RNF182: variants seen among roughly 807,000 people sequenced by gnomAD.
RNF182 encodes the protein E3 ubiquitin-protein ligase RNF182.
Under a neutral mutation model 14.4 loss-of-function variants are expected in RNF182, and 15 were observed. The observed-to-expected ratio is 1.04, with a 90% CI of 0.70 to 1.60. RNF182 has a LOEUF of 1.60. Among genes scored for constraint, RNF182 ranks in the 40% most tolerant of loss-of-function variants. The pLI, the probability that RNF182 is intolerant of heterozygous loss-of-function variation, is 0.00. For synonymous variants in RNF182, 128 were observed against 122.9 expected (o/e 1.04, Z -0.27); for missense variants, 268 against 294.8 (o/e 0.91, Z 0.67).
At chr6:13,938,361 G>T (rs1759196170) in intron 1 of RNF182, among the ~76,000 whole-genome samples, 2 of 151,686 alleles carry the variant, frequency 1.3e-5, no homozygotes, top group Non-Finnish European at 2.9e-5. Flanking sequence ...TTTCTAGATA[G>T]AAGTCCTTTG....
chr6:13,975,058 A>G (rs1425982820), intron 2 of RNF182, among the ~76,000 whole-genome samples: 1 of 152,172 alleles, frequency 6.6e-6, no homozygotes, highest in African/African-American at 2.4e-5. Flanking sequence ...GTACTGTTGT[A>G]AGAGCCTTGT....
chr6:13,964,084 TA>T (rs879651812), intron 1 of RNF182, among the ~76,000 whole-genome samples: 388 of 138,042 alleles, frequency 2.8e-3, no homozygotes, highest in Middle Eastern at 7.3e-3. Context: ...TTTTAAAATG[TA>T]AAAAAAAAAA....
chr6:13,955,338 T>C (rs1759699750), intron 1 of RNF182, among the ~76,000 whole-genome samples: 1 of 152,228 alleles, frequency 6.6e-6, no homozygotes, highest in South Asian at 2.1e-4. Context: ...GAAATCCTTC[T>C]ATAAAAAGAA....
At chr6:13,926,838 C>T (rs909096325) in intron 1 of RNF182, among the ~76,000 whole-genome samples, 2 of 148,198 alleles carry the variant, frequency 1.3e-5, no homozygotes, top group African/African-American at 5.0e-5. Flanking sequence ...TTATTCAGAT[C>T]TTTGTTAGCA....
intron 1 of RNF182, among the ~76,000 whole-genome samples, chr6:13,930,171 A>G (rs1232354782): frequency 1.3e-5 from 2 of 152,196 alleles, no homozygotes; most frequent in Non-Finnish European, 2.9e-5. Flanking sequence ...CAGTCTAAGA[A>G]CTATTTACAT....
chr6:13,960,698 CGT>C (rs1759857453), intron 1 of RNF182, among the ~76,000 whole-genome samples: 1 of 53,072 alleles, frequency 1.9e-5, no homozygotes, highest in African/African-American at 4.4e-5. Flanking sequence ...TGTGTGCGCG[CGT>C]GCACATGCAT....
intron 1 of RNF182, among the ~76,000 whole-genome samples, chr6:13,959,474 G>GT (rs1759812306): frequency 6.6e-6 from 1 of 152,162 alleles, no homozygotes; most frequent in Non-Finnish European, 1.5e-5. Flanking sequence ...GCTTACTTTG[G>GT]TTATTGCAAT....
At chr6:13,928,082 A>G (rs1057374653) in intron 1 of RNF182, among the ~76,000 whole-genome samples, 9 of 152,210 alleles carry the variant, frequency 5.9e-5, no homozygotes, top group African/African-American at 2.2e-4. Flanking sequence ...GATTGATAGA[A>G]GCTGAAAAAC....
chr6:13,977,287 C>T lies in RNF182; in HGVS notation c.168C>T (p.Asp56=), dbSNP rs766568433. 6.2e-7 allele frequency: 1 copy of T among 1,614,192 alleles called. No individual in the cohort carries two copies. The highest frequency in any genetic ancestry group is 8.5e-7 in the Non-Finnish European group (1 of 1,180,016). The change falls in exon 3 of 3, where the codon GAC becomes GAT. Residue 56 remains aspartate (D), a synonymous_variant. Coordinates refer to ENST00000488300, the MANE Select transcript of RNF182 (RefSeq NM_152737.4). ...TCTACAAGATCATAGACTTTGGGGACTCCCCACAAGGTGTCATTGTCTGTC... is the reference window on the plus strand; with the variant it reads ...TCTACAAGATCATAGACTTTGGGGATTCCCCACAAGGTGTCATTGTCTGTC... ...KCLYKIIDFG[D]SPQGVIVCPF... is the part of the protein sequence containing the mutation.
chr6:13,939,467 C>T (rs1005749844), intron 1 of RNF182, among the ~76,000 whole-genome samples: 4 of 151,838 alleles, frequency 2.6e-5, no homozygotes, highest in Non-Finnish European at 5.9e-5. Context: ...GCCATCTTTT[C>T]ACCTTGTAAT....
chr6:13,932,190 T>A (rs910022242), intron 1 of RNF182, among the ~76,000 whole-genome samples: 2 of 152,256 alleles, frequency 1.3e-5, no homozygotes, highest in African/African-American at 4.8e-5. Flanking sequence ...ACTTGGTGAT[T>A]GTGAGGATTA....
At chr6:13,942,430 C>T (rs766085720) in intron 1 of RNF182, among the ~76,000 whole-genome samples, 5 of 152,180 alleles carry the variant, frequency 3.3e-5, no homozygotes, top group Non-Finnish European at 7.4e-5. Context: ...CAACCTCTGC[C>T]TCCTGGGCTT....
chr6:13,938,972 A>G (rs1227016679), intron 1 of RNF182, among the ~76,000 whole-genome samples: 1 of 152,120 alleles, frequency 6.6e-6, no homozygotes, highest in Non-Finnish European at 1.5e-5. Context: ...AATCCCAGCT[A>G]CTTGGGTGGC....
chr6:13,960,790 A>T (rs1193439387), intron 1 of RNF182, among the ~76,000 whole-genome samples: 1 of 152,232 alleles, frequency 6.6e-6, no homozygotes, highest in Non-Finnish European at 1.5e-5. Flanking sequence ...GAAATGGTAC[A>T]TATAACCTAT....
intron 1 of RNF182, among the ~76,000 whole-genome samples, chr6:13,959,010 C>T (rs1246567891): frequency 6.6e-6 from 1 of 152,206 alleles, no homozygotes; most frequent in Non-Finnish European, 1.5e-5. Flanking sequence ...GCCATGTGAT[C>T]TCTGCAGATA....
At chr6:13,968,618 T>G (rs1310336012) in intron 1 of RNF182, among the ~76,000 whole-genome samples, 2 of 152,306 alleles carry the variant, frequency 1.3e-5, no homozygotes, top group East Asian at 3.9e-4. Context: ...CAATTTAATT[T>G]TCAGTACAGA....
intron 1 of RNF182, among the ~76,000 whole-genome samples, chr6:13,932,089 T>C (rs1585029153): frequency 6.6e-6 from 1 of 152,346 alleles, no homozygotes; most frequent in Non-Finnish European, 1.5e-5. Context: ...ATTTCTGTTG[T>C]TTATAAGCCA....
At chr6:13,963,513 G>C (rs1369647011) in intron 1 of RNF182, among the ~76,000 whole-genome samples, 4 of 152,136 alleles carry the variant, frequency 2.6e-5, no homozygotes, top group Non-Finnish European at 5.9e-5. Context: ...TTCTTTCATG[G>C]TGCTACTCAT....
chr6:13,974,476 C>T (rs1760274088), intron 2 of RNF182, 112 bp downstream of exon 2: 1 of 152,202 alleles, frequency 6.6e-6, no homozygotes, highest in Non-Finnish European at 1.5e-5. Flanking sequence ...ACATAACACT[C>T]TATCTTAACA....
Sources: allele counts gnomAD v4.1 joint callset (sites outside exome capture counted in the v4.1 genomes callset), GRCh38; gene constraint gnomAD v4.1.1; transcripts MANE v1.5; gene names NCBI Gene and HGNC (gene_info 2026-07-23, HGNC 2026-07-21).